CDH18: variants seen among roughly 807,000 people sequenced by gnomAD.
CDH18 encodes the protein cadherin-18.
A neutral mutation model predicts 67.9 loss-of-function variants in CDH18; 31 were observed. The observed-to-expected ratio is 0.46, with a 90% CI of 0.34 to 0.62. The LOEUF is 0.62. Ranked by LOEUF, CDH18 falls within the 20% of genes least tolerant of loss-of-function variation. CDH18 has a pLI of 0.01. For missense variants in CDH18, 890 were observed against 975.5 expected, an observed-to-expected ratio of 0.91 and a Z score of 1.17; for synonymous variants, 362 against 347.2, an observed-to-expected ratio of 1.04 and a Z score of -0.48.
intron 1 of CDH18, among the ~76,000 whole-genome samples, chr5:20,524,323 C>T (rs1755916746): frequency 6.6e-6 from 1 of 152,094 alleles, no homozygotes; most frequent in South Asian, 2.1e-4. Context: ...AGGACAATAA[C>T]CATTTCTACT....
At chr5:19,868,145 T>C (rs139512266) in intron 2 of CDH18, among the ~76,000 whole-genome samples, 5 of 152,208 alleles carry the variant, frequency 3.3e-5, no homozygotes, top group East Asian at 1.9e-4. Context: ...AATGGACTAA[T>C]AGACCTATAT....
intron 2 of CDH18, among the ~76,000 whole-genome samples, chr5:20,110,411 G>A (rs1307281727): frequency 2.6e-5 from 4 of 152,124 alleles, no homozygotes; most frequent in East Asian, 1.9e-4. Context: ...TGTCGAGCAC[G>A]GTGGCTCATG....
At chr5:19,791,890 C>A (rs181508203) in intron 3 of CDH18, among the ~76,000 whole-genome samples, 1 of 152,264 alleles carries the variant, frequency 6.6e-6, no homozygotes, top group African/African-American at 2.4e-5. Flanking sequence ...ATTTTTCCAC[C>A]TTTCCATAGC....
intron 1 of CDH18, among the ~76,000 whole-genome samples, chr5:20,257,431 T>C (rs1744333020): frequency 6.6e-6 from 1 of 151,762 alleles, no homozygotes; most frequent in African/African-American, 2.4e-5. Flanking sequence ...ATAGGCTCTT[T>C]GGAAATAAGG....
chr5:20,451,032 C>T (rs1310596929), intron 1 of CDH18, among the ~76,000 whole-genome samples: 8 of 152,148 alleles, frequency 5.3e-5, no homozygotes, highest in African/African-American at 1.7e-4. Flanking sequence ...TCAATTACCT[C>T]CCACCAGGTC....
chr5:20,184,716 G>T (rs1185492390), intron 2 of CDH18, among the ~76,000 whole-genome samples: 1 of 152,012 alleles, frequency 6.6e-6, no homozygotes, highest in Non-Finnish European at 1.5e-5. Context: ...CTTTCCCATT[G>T]TTGAAGGCAA....
intron 2 of CDH18, among the ~76,000 whole-genome samples, chr5:20,149,275 A>G (rs1750913311): frequency 1.3e-5 from 2 of 152,134 alleles, no homozygotes; most frequent in East Asian, 1.9e-4. Flanking sequence ...ACAGTTCTCA[A>G]TGGGGGTGTC....
At position 20,178,596 on chromosome 5, in the gene CDH18, T is replaced by C. The variant is rs111874074; in HGVS notation, c.-518+76848A>G. Among the ~76,000 whole-genome samples, 398 of 143,968 alleles carry C rather than the reference T, an allele frequency of 2.8e-3. 4 individuals carry two copies. The highest frequency in any genetic ancestry group is 1.2e-3 in the Non-Finnish European group (80 of 67,494). The allele number at this position is 143,968 out of a possible 152,430, so 94.4% of individuals were successfully genotyped here. ...AGTTTCTTTCTTTCTTTCTTTCTTTTTTTTTTTGTTCTAAAGTAATAAGTG... is the reference window on the plus strand; with the variant it reads ...AGTTTCTTTCTTTCTTTCTTTCTTTCTTTTTTTGTTCTAAAGTAATAAGTG... On this transcript the variant is annotated intron_variant, in intron 2 of 14. Coordinates refer to the CDH18 transcript ENST00000507958.
At chr5:20,040,640 G>A (rs1405479411) in intron 2 of CDH18, among the ~76,000 whole-genome samples, 1 of 152,122 alleles carries the variant, frequency 6.6e-6, no homozygotes, top group African/African-American at 2.4e-5. Flanking sequence ...TATTTAGAGA[G>A]TATTGCTTGT....
At chr5:19,755,982 T>A (rs7726692) in intron 3 of CDH18, among the ~76,000 whole-genome samples, 3,337 of 152,212 alleles carry the variant, frequency 0.022, 117 homozygotes, top group African/African-American at 0.077. Context: ...TTTGTATCCT[T>A]CAATCCAATC....
At chr5:19,736,945 G>A (rs937930515) in intron 4 of CDH18, among the ~76,000 whole-genome samples, 1 of 152,186 alleles carries the variant, frequency 6.6e-6, no homozygotes, top group Non-Finnish European at 1.5e-5. Context: ...AATTGGCTGA[G>A]AGAAACTCAG....
chr5:19,571,303 A>G (rs538990622), intron 8 of CDH18, among the ~76,000 whole-genome samples: 1 of 152,242 alleles, frequency 6.6e-6, no homozygotes, highest in East Asian at 1.9e-4. Flanking sequence ...CTCTACAACA[A>G]TTTTCTCAAT....
intron 1 of CDH18, among the ~76,000 whole-genome samples, chr5:20,364,946 T>G (rs1225379152): frequency 6.6e-6 from 1 of 152,180 alleles, no homozygotes; most frequent in Non-Finnish European, 1.5e-5. Flanking sequence ...GAGGATGGAC[T>G]AGGCAAACAT....
At chr5:20,084,225 G>C (rs2150548354) in intron 2 of CDH18, among the ~76,000 whole-genome samples, 1 of 152,310 alleles carries the variant, frequency 6.6e-6, no homozygotes, top group African/African-American at 2.4e-5. Context: ...CCAAAACAAA[G>C]GGGCTACAGG....
At position 20,206,721 on chromosome 5, in the gene CDH18, A is replaced by G. The variant is rs547021885; in HGVS notation, c.-518+48723T>C. ...CTACAAAAATCTATAAACATGATACATCACATTAACAGAACAATGAACAAA... is the reference window on the plus strand; with the variant it reads ...CTACAAAAATCTATAAACATGATACGTCACATTAACAGAACAATGAACAAA... On this transcript the variant is annotated intron_variant, in intron 2 of 14. Coordinates refer to the CDH18 transcript ENST00000507958. Among the ~76,000 whole-genome samples, 337 of 152,134 alleles carry G rather than the reference A, an allele frequency of 2.2e-3. 3 individuals carry two copies. Among genetic ancestry groups the G allele is most frequent in the African/African-American group, 7.6e-3 (314 of 41,558 alleles).
At chr5:20,506,030 A>T (rs1441069960) in intron 1 of CDH18, among the ~76,000 whole-genome samples, 1 of 152,208 alleles carries the variant, frequency 6.6e-6, no homozygotes, top group Non-Finnish European at 1.5e-5. Context: ...GACTAGATAA[A>T]GAGGGTAAGA....
At chr5:19,605,808 G>A (rs1031681544) in intron 6 of CDH18, among the ~76,000 whole-genome samples, 1 of 152,102 alleles carries the variant, frequency 6.6e-6, no homozygotes, top group Non-Finnish European at 1.5e-5. Context: ...CAAAAATTGT[G>A]TAGCTTTTGG....
chr5:20,150,728 AGAT>A lies in CDH18; in HGVS notation c.-518+104713_-518+104715del, dbSNP rs1375976464. Among the ~76,000 whole-genome samples the A allele has an allele frequency of 1.1e-4, 17 of 152,074 alleles. 1 individual carries two copies. Among genetic ancestry groups the A allele is most frequent in the Admixed American group, 1.1e-3 (17 of 15,234 alleles). On this transcript the variant is annotated intron_variant, in intron 2 of 14. Coordinates refer to the CDH18 transcript ENST00000507958. ...CCTATTGCAAAGATCTACCATAGAT[AGAT>A]CCATTATGTTTTTCTATGGAGACTC...
At chr5:20,296,677 T>C (rs1325891614) in intron 1 of CDH18, among the ~76,000 whole-genome samples, 1 of 151,986 alleles carries the variant, frequency 6.6e-6, no homozygotes, top group Non-Finnish European at 1.5e-5. Context: ...AACTACAGTT[T>C]ATAATATATG....
Sources: gnomAD v4.1 joint callset for allele counts (sites outside exome capture counted in the v4.1 genomes callset) on GRCh38, gnomAD v4.1.1 for gene constraint, MANE v1.5 for transcripts, NCBI Gene and HGNC (gene_info 2026-07-23, HGNC 2026-07-21) for gene names.